Variants in PRDM6 observed in about 807,000 individuals in gnomAD.
The protein encoded by PRDM6 is PR/SET domain 6.
A neutral mutation model predicts 60.8 loss-of-function variants in PRDM6; 25 were observed. The ratio of observed to expected loss-of-function variants is 0.41; its 90% CI spans 0.30 to 0.57. The LOEUF is 0.57. Ranked by LOEUF, PRDM6 falls within the 20% of genes least tolerant of loss-of-function variation. PRDM6 has a pLI of 0.27. For synonymous variants in PRDM6, 407 were observed against 357.4 expected, an observed-to-expected ratio of 1.14 and a Z score of -1.57; for missense variants, 839 against 821.3, an observed-to-expected ratio of 1.02 and a Z score of -0.26.
chr5:123,116,721 G>C (rs958563561), intron 3 of PRDM6, among the ~76,000 whole-genome samples: 3 of 152,170 alleles, frequency 2.0e-5, no homozygotes, highest in African/African-American at 7.2e-5. Context: ...GACCTAGAGG[G>C]ACGGTCAGGC....
Position 123,187,152 on chromosome 5 carries a change from A to T in PRDM6, c.1739A>T (p.Asn580Ile). 1 of 1,551,578 alleles carries T rather than the reference A, an allele frequency of 6.4e-7. No homozygotes were observed. Among genetic ancestry groups the T allele is most frequent in the Non-Finnish European group, 8.7e-7 (1 of 1,146,896 alleles). The change falls in exon 8 of 8, where the codon AAT (asparagine) becomes ATT (isoleucine). Residue 580 changes from asparagine (N) to isoleucine (I), a missense_variant. By Grantham distance (149) the Asn-to-Ile change is moderately radical. Around this residue, in one of 2 missense-constraint regions of PRDM6, gnomAD observed 109 missense variants for 172.6 expected, o/e 0.63. Transcript: ENST00000407847. ...CTGAGCCGACACCAGCGGATGCCCA[A>T]TGAGTGCAAGCCAATAACTGAGAGC... ...TQLSRHQRMP[N>I]ECKPITESPE...
At chr5:123,098,211 C>G (rs1289196717) in intron 2 of PRDM6, among the ~76,000 whole-genome samples, 2 of 152,228 alleles carry the variant, frequency 1.3e-5, no homozygotes, top group African/African-American at 4.8e-5. Context: ...GGCAGGTACC[C>G]GGGTGCCCCG....
intron 3 of PRDM6, among the ~76,000 whole-genome samples, chr5:123,129,098 G>T (rs965548406): frequency 1.3e-5 from 2 of 152,038 alleles, no homozygotes; most frequent in East Asian, 1.9e-4. Flanking sequence ...ATTTCTGAGG[G>T]CTCTGTTCTG....
chr5:123,180,865 CT>C lies in PRDM6; in HGVS notation c.1673+545del, dbSNP rs145540379. On this transcript the variant is annotated intron_variant, in intron 7 of 7. Coordinates refer to ENST00000407847, the MANE Select transcript of PRDM6 (RefSeq NM_001136239.4). ...GTGACTTTTCAGTGTATACTTTGGA[CT>C]TTAGAATTACCATGTTGGTGAAAAA... is the stretch of plus-strand genomic sequence containing the variant. Among the ~76,000 whole-genome samples the C allele has an allele frequency of 3.4e-3, 512 of 152,270 alleles. 21 individuals are homozygous for C. In the East Asian group the frequency reaches 0.093, roughly 28 times the overall value.
chr5:123,166,572 C>G (rs530348289), intron 5 of PRDM6, among the ~76,000 whole-genome samples: 2 of 152,210 alleles, frequency 1.3e-5, no homozygotes, highest in South Asian at 4.1e-4. Context: ...AAATATTTAT[C>G]TGTAAAAACA....
chr5:123,102,113 T>G (rs972801709), intron 3 of PRDM6, among the ~76,000 whole-genome samples: 5 of 152,146 alleles, frequency 3.3e-5, no homozygotes, highest in Non-Finnish European at 7.4e-5. Flanking sequence ...TAACAACAGT[T>G]AGAATAAGGT....
At chr5:123,175,983 T>C (rs1765998558) in intron 6 of PRDM6, among the ~76,000 whole-genome samples, 1 of 152,208 alleles carries the variant, frequency 6.6e-6, no homozygotes, top group South Asian at 2.1e-4. Context: ...CATTGATATA[T>C]ACCAACTAAA....
chr5:123,090,716 G>A (rs1164984504), intron 2 of PRDM6, 110 bp downstream of exon 2: 1 of 557,752 alleles, frequency 1.8e-6, no homozygotes, highest in Non-Finnish European at 2.9e-6. Flanking sequence ...GGGGCCGGGT[G>A]GGTGGGGAGC....
At chr5:123,098,828 C>T in intron 2 of PRDM6, among the ~76,000 whole-genome samples, 1 of 152,268 alleles carries the variant, frequency 6.6e-6, no homozygotes, top group East Asian at 1.9e-4. Context: ...CCCCGGTCCC[C>T]CACCCCGCCC....
At chr5:123,149,504 C>G (rs1765327506) in intron 3 of PRDM6, among the ~76,000 whole-genome samples, 1 of 152,110 alleles carries the variant, frequency 6.6e-6, no homozygotes, top group Non-Finnish European at 1.5e-5. Context: ...GTTCTAAAGC[C>G]ACAGCTAATT....
chr5:123,147,101 A>T (rs1765258285), intron 3 of PRDM6, among the ~76,000 whole-genome samples: 1 of 152,190 alleles, frequency 6.6e-6, no homozygotes, highest in African/African-American at 2.4e-5. Flanking sequence ...ATACAAAATA[A>T]GTTTTCGCAG....
At chr5:123,142,378 G>A (rs1367840002) in intron 3 of PRDM6, among the ~76,000 whole-genome samples, 3 of 152,132 alleles carry the variant, frequency 2.0e-5, no homozygotes, top group Admixed American at 6.6e-5. Flanking sequence ...AGAGTAAGAA[G>A]TAGAACATAG....
intron 3 of PRDM6, among the ~76,000 whole-genome samples, chr5:123,134,747 C>T (rs748817297): frequency 6.6e-6 from 1 of 152,134 alleles, no homozygotes; most frequent in Non-Finnish European, 1.5e-5. Flanking sequence ...TTCTGCTAAA[C>T]AGTGTGTGGT....
At chr5:123,135,978 A>G (rs1202427347) in intron 3 of PRDM6, among the ~76,000 whole-genome samples, 2 of 152,172 alleles carry the variant, frequency 1.3e-5, no homozygotes, top group Non-Finnish European at 2.9e-5. Context: ...CACTCGCACT[A>G]AAGTAAAGGA....
At chr5:123,160,695 C>T (rs1191651528) in intron 5 of PRDM6, among the ~76,000 whole-genome samples, 7 of 152,138 alleles carry the variant, frequency 4.6e-5, no homozygotes, top group Admixed American at 4.6e-4. Context: ...AAAGAAAAAT[C>T]GTCAAAAAGC....
chr5:123,173,553 T>A (rs1446364974), intron 6 of PRDM6: 3 of 167,080 alleles, frequency 1.8e-5, no homozygotes, highest in Non-Finnish European at 4.4e-5. Context: ...GTGGGTTCCT[T>A]CCCTGCAGTT....
chr5:123,121,731 T>TC lies in PRDM6; in HGVS notation c.900+21777dup, dbSNP rs571807044. Among the ~76,000 whole-genome samples the TC allele has an allele frequency of 2.7e-4, 41 of 151,942 alleles. 1 individual carries two copies. The East Asian group carries it at 7.3e-3, about 27-fold the overall frequency. On this transcript the variant is annotated intron_variant, in intron 3 of 7. Coordinates refer to ENST00000407847, the MANE Select transcript of PRDM6 (RefSeq NM_001136239.4). ...TTGTCTAAGTTCCATGTCTCTTCCT[T>TC]CCCCCCCAAATATTTTTTATAGTTA...
At chr5:123,114,749 A>T (rs564923829) in intron 3 of PRDM6, among the ~76,000 whole-genome samples, 1 of 152,344 alleles carries the variant, frequency 6.6e-6, no homozygotes, top group Admixed American at 6.5e-5. Context: ...TGGTGTTTTC[A>T]GAGGAGCATG....
At chr5:123,095,773 T>C (rs1305699439) in intron 2 of PRDM6, among the ~76,000 whole-genome samples, 1 of 152,170 alleles carries the variant, frequency 6.6e-6, no homozygotes, top group Non-Finnish European at 1.5e-5. Flanking sequence ...AGTGAAGATG[T>C]GATGTAGCTC....
Sources: allele counts gnomAD v4.1 joint callset (sites outside exome capture counted in the v4.1 genomes callset), GRCh38; gene constraint gnomAD v4.1.1; regional missense constraint gnomAD v4.1.1; transcripts MANE v1.5; gene names NCBI Gene and HGNC (gene_info 2026-07-23, HGNC 2026-07-21).